The following RANBP3 variants were observed in gnomAD, a reference collection of about 807,000 sequenced individuals.
RANBP3 encodes the protein ran-binding protein 3.
In RANBP3, 14 loss-of-function variants were observed where a neutral mutation model predicts 77.3. The ratio of observed to expected loss-of-function variants is 0.18; its 90% CI spans 0.12 to 0.28. The LOEUF is 0.28. Ranked by LOEUF, RANBP3 falls within the 10% of genes least tolerant of loss-of-function variation. The probability of loss-of-function intolerance (pLI) is 1.00; values close to 1 mark genes in which losing one functional copy is unlikely to be tolerated. For synonymous variants in RANBP3, 315 were observed against 312.4 expected, an observed-to-expected ratio of 1.01 and a Z score of -0.09; for missense variants, 586 against 752.3, an observed-to-expected ratio of 0.78 and a Z score of 2.59.
At chr19:5,939,048 T>A (rs183507435) in intron 5 of RANBP3, among the ~76,000 whole-genome samples, 1 of 151,268 alleles carries the variant, frequency 6.6e-6, no homozygotes, top group South Asian at 2.1e-4. Context: ...ACCCCGGCAT[T>A]GTGGTGTGCG....
rs527537053 is a variant in RANBP3, at chr19:5,937,756, G to A, written c.406+3865C>T. Among the ~76,000 whole-genome samples the A allele has an allele frequency of 5.3e-5, 5 of 94,820 alleles. No individual in the cohort carries two copies. The East Asian group carries it at 1.4e-3, about 26-fold the overall frequency. 62.2% of individuals were successfully genotyped at this position (94,820 alleles called of 152,430 possible). A position where few individuals can be genotyped will look rare whatever the true frequency, so the allele number is the denominator to read the frequency against. Reference sequence around the variant, plus strand: ...TAAACCATGCCGCGTCGGGGCCTGCGAAACAGCTGCCCTGCTCGAGGCTGG... The same window carrying A: ...TAAACCATGCCGCGTCGGGGCCTGCAAAACAGCTGCCCTGCTCGAGGCTGG... On this transcript the variant is annotated intron_variant, in intron 5 of 16. Coordinates refer to ENST00000340578, the MANE Select transcript of RANBP3 (RefSeq NM_007322.3).
At position 5,959,715 on chromosome 19, in the gene RANBP3, A is replaced by G. The variant is rs2058376891; in HGVS notation, c.23-1742T>C. Among the ~76,000 whole-genome samples the G allele has an allele frequency of 6.6e-6, 1 of 152,126 alleles. No individual in the cohort carries two copies. Among genetic ancestry groups the G allele is most frequent in the African/African-American group, 2.4e-5 (1 of 41,404 alleles). ...GGAATGCTGGGGGACTCTGGGACAG[A>G]GCAGCAGCGTATCCACACCATGTGT... On this transcript the variant is annotated intron_variant, in intron 1 of 16. Coordinates refer to ENST00000340578, the MANE Select transcript of RANBP3 (RefSeq NM_007322.3). This position sits in a 1 kb window ranked among gnomAD's most constrained non-coding sequence, Gnocchi z 5.1.
intron 1 of RANBP3, among the ~76,000 whole-genome samples, chr19:5,964,583 T>C (rs550101882): frequency 1.3e-5 from 2 of 151,968 alleles, no homozygotes; most frequent in East Asian, 1.9e-4. Context: ...CCTGGGAACA[T>C]AGAGCTGGGG....
At chr19:5,927,830 A>C in intron 9 of RANBP3, 138 bp downstream of exon 9, 4 of 1,123,634 alleles carry the variant, frequency 3.6e-6, no homozygotes, top group Non-Finnish European at 4.9e-6. Flanking sequence ...CTGTGCCGTG[A>C]GCCATGGGGC....
In RANBP3 at chr19:5,922,801, G is replaced by A. The variant is rs534377380; in HGVS notation, c.1209+393C>T. ...CTAAAAATACAAAAATTAGCCTGGCGTGGTGGTGCACACCTGTAATCCCAG... is the reference window on the plus strand; with the variant it reads ...CTAAAAATACAAAAATTAGCCTGGCATGGTGGTGCACACCTGTAATCCCAG... On this transcript the variant is annotated intron_variant, in intron 13 of 16. Transcript: ENST00000340578. 8.5e-5 allele frequency among the ~76,000 whole-genome samples: 13 copies of A among 152,254 alleles called. No homozygotes were observed. The South Asian group carries it at 1.0e-3, about 12-fold the overall frequency.
chr19:5,928,647 C>T (rs754460958), intron 8 of RANBP3, among the ~76,000 whole-genome samples: 1 of 151,868 alleles, frequency 6.6e-6, no homozygotes, highest in Admixed American at 6.6e-5. Context: ...GAAAATAAGT[C>T]GGGAGAGAGA....
In RANBP3 at chr19:5,958,051, T is replaced by C. The variant is rs79098455; in HGVS notation, c.23-78A>G. The C allele has an allele frequency of 1.4e-5, 18 of 1,282,784 alleles. No homozygotes were observed. Among genetic ancestry groups the C allele is most frequent in the Non-Finnish European group, 2.0e-5 (18 of 886,338 alleles). 79.5% of individuals were successfully genotyped at this position (1,282,784 alleles called of 1,614,324 possible). ...AACAAAGCTACACTTGTTTGTAATA[T>C]GTTAAACATATATATAAATGAAACT... is the stretch of plus-strand genomic sequence containing the variant. On this transcript the variant is annotated intron_variant, in intron 1 of 16. Transcript: ENST00000340578. The surrounding 1 kb of genome is among the most constrained non-coding windows in gnomAD (Gnocchi z 4.4).
Position 5,958,225 on chromosome 19 carries a change from A to AG in RANBP3, c.23-253dup. Among the ~76,000 whole-genome samples the AG allele has an allele frequency of 6.6e-6, 1 of 152,210 alleles. No homozygotes were observed. Among genetic ancestry groups the AG allele is most frequent in the East Asian group, 1.9e-4 (1 of 5,198 alleles). On this transcript the variant is annotated intron_variant, in intron 1 of 16. Transcript: ENST00000340578. The surrounding 1 kb of genome is among the most constrained non-coding windows in gnomAD (Gnocchi z 4.4). ...ATTTATCATCAATAAGGAGTTTTCA[A>AG]GACTCACTGAGAGCGGGCGTGTAAA...
At chr19:5,931,736 CAAAA>C (rs1568454415) in intron 7 of RANBP3, among the ~76,000 whole-genome samples, 1 of 152,076 alleles carries the variant, frequency 6.6e-6, no homozygotes, top group African/African-American at 2.4e-5. Context: ...GAGAAACAAA[CAAAA>C]AAGAGAAACC....
At chr19:5,954,922 C>T (rs1020383556) in intron 2 of RANBP3, among the ~76,000 whole-genome samples, 2 of 152,196 alleles carry the variant, frequency 1.3e-5, no homozygotes, top group African/African-American at 4.8e-5. Context: ...TGTCCTCCGA[C>T]AGCGAAGCAA....
chr19:5,939,058 G>T (rs767367915), intron 5 of RANBP3, among the ~76,000 whole-genome samples: 8 of 152,078 alleles, frequency 5.3e-5, no homozygotes, highest in East Asian at 1.9e-4. Flanking sequence ...TGTGGTGTGC[G>T]CCTGTAATCC....
At chr19:5,975,783 C>T (rs1335897933) in intron 1 of RANBP3, among the ~76,000 whole-genome samples, 1 of 151,144 alleles carries the variant, frequency 6.6e-6, no homozygotes, top group Non-Finnish European at 1.5e-5. Flanking sequence ...GAGTAAAAAC[C>T]AGAAGAAGTG....
In RANBP3 at chr19:5,959,924, CT is replaced by C. The variant is rs2058379391; in HGVS notation, c.23-1952del. Among the ~76,000 whole-genome samples, 1 of 152,104 alleles carries C rather than the reference CT, an allele frequency of 6.6e-6. No homozygotes were observed. The highest frequency in any genetic ancestry group is 1.5e-5 in the Non-Finnish European group (1 of 68,042). On this transcript the variant is annotated intron_variant, in intron 1 of 16. Coordinates refer to ENST00000340578, the MANE Select transcript of RANBP3 (RefSeq NM_007322.3). The surrounding 1 kb of genome is among the most constrained non-coding windows in gnomAD (Gnocchi z 5.1). The stretch of plus-strand genomic sequence containing the variant: ...AGGGAGCTACCCACCCCTCGTCCCC[CT>C]GTCCCCCAGTTCAGATGGAGCCAAG...
At chr19:5,939,324 G>C (rs2058104333) in intron 5 of RANBP3, among the ~76,000 whole-genome samples, 1 of 152,100 alleles carries the variant, frequency 6.6e-6, no homozygotes, top group Non-Finnish European at 1.5e-5. Context: ...CAAACATGAG[G>C]GCTTATGAAG....
intron 8 of RANBP3, among the ~76,000 whole-genome samples, chr19:5,929,447 C>T (rs1467420996): frequency 2.0e-5 from 3 of 152,242 alleles, no homozygotes; most frequent in Non-Finnish European, 4.4e-5. Context: ...ACAGAGTCAC[C>T]TGAGATGGGG....
At chr19:5,936,892 C>G (rs1335175228) in intron 5 of RANBP3, among the ~76,000 whole-genome samples, 2 of 151,560 alleles carry the variant, frequency 1.3e-5, no homozygotes, top group Non-Finnish European at 2.9e-5. Context: ...ATCAACGCGG[C>G]AGGGATGGTG....
At chr19:5,946,143 G>A (rs1051643158) in intron 3 of RANBP3, among the ~76,000 whole-genome samples, 1 of 152,098 alleles carries the variant, frequency 6.6e-6, no homozygotes, top group Admixed American at 6.5e-5. Flanking sequence ...CCACCTCTAG[G>A]GTAAGTTCAT....
intron 2 of RANBP3, among the ~76,000 whole-genome samples, chr19:5,956,982 G>A (rs561712999): frequency 6.6e-5 from 10 of 152,160 alleles, no homozygotes; most frequent in South Asian, 6.2e-4. Flanking sequence ...GAGTGCCGCC[G>A]CTGGGCATCA....
At chr19:5,968,466 G>A (rs1429803138) in intron 1 of RANBP3, among the ~76,000 whole-genome samples, 1 of 152,226 alleles carries the variant, frequency 6.6e-6, no homozygotes. Context: ...GGAAGTGGTT[G>A]GCACACAGGA....
Sources: allele counts gnomAD v4.1 joint callset (sites outside exome capture counted in the v4.1 genomes callset), GRCh38; gene constraint gnomAD v4.1.1; non-coding constraint Gnocchi (gnomAD v3.1); transcripts MANE v1.5; gene names NCBI Gene and HGNC (gene_info 2026-07-23, HGNC 2026-07-21).